The following LILRB1 variants were observed in gnomAD, a reference collection of about 807,000 sequenced individuals.
LILRB1 encodes the protein leukocyte immunoglobulin-like receptor subfamily B member 1.
LILRB1 carries 59 observed loss-of-function variants against 74.6 expected under a neutral mutation model. The observed-to-expected ratio is 0.79, with a 90% confidence interval of 0.64 to 0.98. The LOEUF (loss-of-function observed/expected upper bound fraction) is 0.98, where lower values mean the gene tolerates loss of function less well. Ranked by LOEUF, LILRB1 falls within the 50% of genes least tolerant of loss-of-function variation. The pLI, the probability that LILRB1 is intolerant of heterozygous loss-of-function variation, is 0.00. For synonymous variants in LILRB1, 328 were observed against 333.9 expected, an observed-to-expected ratio of 0.98 and a Z score of 0.19; for missense variants, 804 against 822.6, an observed-to-expected ratio of 0.98 and a Z score of 0.28.
chr19:54,637,004 G>C lies in LILRB1; in HGVS notation c.*126G>C. On this transcript the variant is annotated 3_prime_UTR_variant, in exon 15 of 15. Coordinates refer to ENST00000324602, the MANE Select transcript of LILRB1 (RefSeq NM_001081637.3). ...CCAGGAGACTCTGGGAACTTTTAGG[G>C]GTCACTCAATTCTGCAGTATAAATA... The C allele has an allele frequency of 8.5e-7, 1 of 1,180,210 alleles. No homozygotes were observed. 73.1% of individuals were successfully genotyped at this position (1,180,210 alleles called of 1,614,324 possible). A position where few individuals can be genotyped will look rare whatever the true frequency, so the allele number is the denominator to read the frequency against.
At position 54,635,302 on chromosome 19, in the gene LILRB1, T is replaced by C. The variant is rs1305583038; in HGVS notation, c.1600+6T>C. The stretch of plus-strand genomic sequence containing the variant: ...TGCCCAGGAAGAAAACCTCTGTGAG[T>C]GAGAGGAAGAGGTGACCAGCCAGGA... On this transcript the variant is annotated splice_donor_region_variant and intron_variant, in intron 12 of 14. Coordinates refer to ENST00000324602, the MANE Select transcript of LILRB1 (RefSeq NM_001081637.3). The C allele has an allele frequency of 3.1e-6, 5 of 1,612,466 alleles. No individual in the cohort carries two copies. The highest frequency in any genetic ancestry group is 1.1e-5 in the South Asian group (1 of 90,946).
At chr19:54,628,858 G>A (rs2063670948), upstream of LILRB1, among the ~76,000 whole-genome samples, 1 of 152,170 alleles carries the variant, frequency 6.6e-6, no homozygotes, top group Admixed American at 6.5e-5. Flanking sequence ...GTGAAGGAAG[G>A]GCAGGAGGAG....
chr19:54,636,058 C>T (rs113420280), intron 13 of LILRB1: 22,049 of 506,896 alleles, frequency 0.043, 576 homozygotes, highest in Non-Finnish European at 0.052. Context: ...AAATGTGCCG[C>T]CTCCAGGAGT....
intron 1 of LILRB1, among the ~76,000 whole-genome samples, chr19:54,624,529 G>T (rs2063530393): frequency 6.6e-6 from 1 of 152,118 alleles, no homozygotes; most frequent in Non-Finnish European, 1.5e-5. Flanking sequence ...GGGATGTGGG[G>T]CTTCTGCCTC....
upstream of LILRB1, among the ~76,000 whole-genome samples, chr19:54,628,028 T>C (rs1349430737): frequency 6.6e-6 from 1 of 152,316 alleles, no homozygotes; most frequent in Middle Eastern, 3.4e-3. Flanking sequence ...ATTTATAACC[T>C]GACACGTCCA....
chr19:54,621,441 T>C (rs532066840), intron 1 of LILRB1, among the ~76,000 whole-genome samples: 55 of 152,348 alleles, frequency 3.6e-4, no homozygotes, highest in African/African-American at 1.3e-3. Context: ...TTGAGCATTT[T>C]TTAATGTGTT....
chr19:54,633,604 C>T lies in LILRB1; in HGVS notation c.1262-34C>T. On this transcript the variant is annotated intron_variant, in intron 7 of 14. Coordinates refer to ENST00000324602, the MANE Select transcript of LILRB1 (RefSeq NM_001081637.3). Reference sequence around the variant, plus strand: ...TGAGGTGGAGACTTCAGGAAAGCCCCAGCTCCTCAGCCTCCTCTCATTCTT... The same window carrying T: ...TGAGGTGGAGACTTCAGGAAAGCCCTAGCTCCTCAGCCTCCTCTCATTCTT... The T allele has an allele frequency of 2.5e-6, 4 of 1,602,330 alleles. No individual in the cohort carries two copies. In the South Asian group the frequency reaches 3.3e-5, roughly 13 times the overall value.
upstream of LILRB1, chr19:54,630,359 G>C (rs556860133): frequency 6.1e-5 from 18 of 297,272 alleles, no homozygotes; most frequent in East Asian, 7.1e-4. Context: ...TTGTTCCCGG[G>C]GGGTGGGGTT....
intron 1 of LILRB1, among the ~76,000 whole-genome samples, chr19:54,622,063 G>A (rs2063472065): frequency 6.6e-6 from 1 of 152,098 alleles, no homozygotes; most frequent in Non-Finnish European, 1.5e-5. Context: ...TTTTGTACTA[G>A]TAAATGCTGT....
chr19:54,619,072 A>C (rs538545381), intron 1 of LILRB1, among the ~76,000 whole-genome samples: 1 of 152,306 alleles, frequency 6.6e-6, no homozygotes, highest in East Asian at 1.9e-4. Flanking sequence ...ATCTGTGTTT[A>C]ATTCAAAGCT....
At position 54,634,002 on chromosome 19, in the gene LILRB1, C is replaced by A; in HGVS notation, c.1344C>A (p.Thr448=). 2 of 1,598,714 alleles carry A rather than the reference C, an allele frequency of 1.3e-6. No homozygotes were observed. Among genetic ancestry groups the A allele is most frequent in the Non-Finnish European group, 1.7e-6 (2 of 1,172,700 alleles). ...CTGAGGACCAGCCCCTCACCCCCAC[C>A]GGGTCGGATCCCCAGAGTGGTGAGT... The part of the protein sequence containing the change: ...AGPEDQPLTP[T]GSDPQSGLGR... Residue 448 remains threonine, a synonymous_variant, in exon 9 of 15, where the codon ACC becomes ACA. Coordinates refer to ENST00000324602, the MANE Select transcript of LILRB1 (RefSeq NM_001081637.3).
intron 7 of LILRB1, 119 bp from the exon 8 acceptor site, chr19:54,633,519 A>G (rs2064103916): frequency 1.7e-6 from 2 of 1,212,074 alleles, no homozygotes; most frequent in Admixed American, 5.1e-5. Flanking sequence ...CATGGACAGG[A>G]GAGGCGGGTG....
In LILRB1 at chr19:54,634,000, A is replaced by G. The variant is rs2064157466; in HGVS notation, c.1342A>G (p.Thr448Ala). 3 of 1,598,094 alleles carry G rather than the reference A, an allele frequency of 1.9e-6. No individual in the cohort carries two copies. The East Asian group carries it at 6.8e-5, about 36-fold the overall frequency. ...CCCTGAGGACCAGCCCCTCACCCCC[A>G]CCGGGTCGGATCCCCAGAGTGGTGA... Reference protein sequence around the residue: ...AGPEDQPLTPTGSDPQSGLGR... With the variant: ...AGPEDQPLTPAGSDPQSGLGR... Residue 448 changes from threonine to alanine, a missense_variant, in exon 9 of 15, where the codon ACC (threonine) becomes GCC (alanine). By Grantham distance (58) the Thr-to-Ala change is moderately conservative. Coordinates refer to ENST00000324602, the MANE Select transcript of LILRB1 (RefSeq NM_001081637.3).
In LILRB1 at chr19:54,635,151, G is replaced by C. The variant is rs766132479; in HGVS notation, c.1534G>C (p.Glu512Gln). Residue 512 changes from glutamate (E) to glutamine (Q), a missense_variant, in exon 11 of 15, where the codon GAG becomes CAG. Glu to Gln is a conservative substitution (Grantham distance 29). Coordinates refer to ENST00000324602, the MANE Select transcript of LILRB1 (RefSeq NM_001081637.3). ...ACATCCTGCAGGGGCTGTGGGGCCA[G>C]AGCCCACAGACAGAGGCCTGCAGTG... ...FQHPAGAVGPEPTDRGLQWRS... is the reference protein window; with the variant it reads ...FQHPAGAVGPQPTDRGLQWRS... 3.1e-6 allele frequency: 5 copies of C among 1,594,146 alleles called. No individual in the cohort carries two copies. In the South Asian group the frequency reaches 5.5e-5, roughly 18 times the overall value.
chr19:54,631,255 G>A lies in LILRB1; in HGVS notation c.35-16G>A, dbSNP rs775494520. 2.9e-5 allele frequency: 47 copies of A among 1,613,800 alleles called. No individual in the cohort carries two copies. The highest frequency in any genetic ancestry group is 8.3e-5 in the Admixed American group (5 of 60,022). ...GGCTTCAGGGGGCAAATCCCTCACCGGGAACTCTCTTCCAGGGCTGAGTCT... is the reference window on the plus strand; with the variant it reads ...GGCTTCAGGGGGCAAATCCCTCACCAGGAACTCTCTTCCAGGGCTGAGTCT... On this transcript the variant is annotated splice_polypyrimidine_tract_variant and intron_variant, in intron 2 of 14. Coordinates refer to ENST00000324602, the MANE Select transcript of LILRB1 (RefSeq NM_001081637.3).
At chr19:54,624,243 G>A (rs1481356479) in intron 1 of LILRB1, among the ~76,000 whole-genome samples, 2 of 152,206 alleles carry the variant, frequency 1.3e-5, no homozygotes, top group African/African-American at 4.8e-5. Flanking sequence ...AATGCCCTGA[G>A]GTCTCTGCGG....
At chr19:54,625,474 C>T (rs1181000288), upstream of LILRB1, among the ~76,000 whole-genome samples, 1 of 152,156 alleles carries the variant, frequency 6.6e-6, no homozygotes, top group Non-Finnish European at 1.5e-5. Flanking sequence ...TCTCTGGGAA[C>T]TCCCTGTGCC....
upstream of LILRB1, chr19:54,617,136 A>T (rs1446382578): frequency 6.6e-6 from 1 of 152,308 alleles, no homozygotes; most frequent in East Asian, 1.9e-4. Context: ...CCCACAGCTC[A>T]CTTCCTCCTT....
intron 1 of LILRB1, among the ~76,000 whole-genome samples, chr19:54,618,705 T>C (rs2063378094): frequency 6.6e-6 from 1 of 152,212 alleles, no homozygotes; most frequent in Non-Finnish European, 1.5e-5. Flanking sequence ...CATGTAATAT[T>C]GTTGGTTAAA....
Sources: allele counts gnomAD v4.1 joint callset (sites outside exome capture counted in the v4.1 genomes callset), GRCh38; gene constraint gnomAD v4.1.1; transcripts MANE v1.5; gene names NCBI Gene and HGNC (gene_info 2026-07-23, HGNC 2026-07-21).